CTNNA3: variants seen among roughly 807,000 people sequenced by gnomAD.
The protein encoded by CTNNA3 is catenin alpha 3, also known as catenin alpha-3.
CTNNA3 carries 76 observed loss-of-function variants against 95.7 expected under a neutral mutation model. The observed-to-expected ratio is 0.79, with a 90% CI of 0.66 to 0.96. The LOEUF (loss-of-function observed/expected upper bound fraction) is 0.96, where lower values mean the gene tolerates loss of function less well. Ranked by LOEUF, CTNNA3 falls within the 40% of genes least tolerant of loss-of-function variation. CTNNA3 has a pLI of 0.00. For missense variants in CTNNA3, 1,191 were observed against 1,089.8 expected, an observed-to-expected ratio of 1.09 and a Z score of -1.31; for synonymous variants, 431 against 374.4, an observed-to-expected ratio of 1.15 and a Z score of -1.74.
At chr10:67,480,820 G>A (rs919990467) in intron 5 of CTNNA3, among the ~76,000 whole-genome samples, 5 of 152,010 alleles carry the variant, frequency 3.3e-5, no homozygotes, top group South Asian at 2.1e-4. Context: ...TTCCTCTAAC[G>A]CCGCTGGGTT....
intron 11 of CTNNA3, among the ~76,000 whole-genome samples, chr10:66,447,440 G>A (rs1457835750): frequency 7.7e-6 from 1 of 129,582 alleles, no homozygotes; most frequent in Non-Finnish European, 1.6e-5. Context: ...CAAGGCTACA[G>A]TAACCAAAAC....
intron 7 of CTNNA3, among the ~76,000 whole-genome samples, chr10:66,952,461 C>G (rs1287941398): frequency 1.3e-5 from 2 of 152,124 alleles, no homozygotes; most frequent in African/African-American, 4.8e-5. Context: ...GGAGACGATT[C>G]AGGGTATGCC....
intron 2 of CTNNA3, among the ~76,000 whole-genome samples, chr10:67,638,710 C>T (rs1355492332): frequency 1.3e-5 from 2 of 152,142 alleles, no homozygotes; most frequent in Non-Finnish European, 2.9e-5. Context: ...GAAACTCACT[C>T]AAAACCACTC....
At chr10:66,067,689 G>T in intron 15 of CTNNA3, among the ~76,000 whole-genome samples, 1 of 151,994 alleles carries the variant, frequency 6.6e-6, no homozygotes, top group East Asian at 1.9e-4. Context: ...AGGCTGAGGC[G>T]GGCGGATCAC....
chr10:67,714,234 C>T (rs1006588543), intron 1 of CTNNA3, among the ~76,000 whole-genome samples: 1 of 152,174 alleles, frequency 6.6e-6, no homozygotes, highest in Admixed American at 6.5e-5. Context: ...CCTGGAAAAG[C>T]CACAGACACT....
intron 9 of CTNNA3, among the ~76,000 whole-genome samples, chr10:66,681,857 C>T (rs1296182062): frequency 1.3e-5 from 2 of 152,080 alleles, no homozygotes; most frequent in African/African-American, 2.4e-5. Context: ...TTTATTTCCC[C>T]TGAAGAAGGC....
chr10:66,636,284 C>A (rs559480409), intron 9 of CTNNA3, among the ~76,000 whole-genome samples: 1 of 152,054 alleles, frequency 6.6e-6, no homozygotes, highest in East Asian at 1.9e-4. Flanking sequence ...TTAGCAGGGG[C>A]ATAAGCTATT....
intron 15 of CTNNA3, among the ~76,000 whole-genome samples, chr10:66,045,589 C>T (rs1471937468): frequency 2.6e-5 from 4 of 152,124 alleles, no homozygotes; most frequent in Non-Finnish European, 5.9e-5. Flanking sequence ...CTAACTCCTG[C>T]TTAAAAGTGG....
At chr10:66,386,730 T>C (rs1023031603) in intron 11 of CTNNA3, among the ~76,000 whole-genome samples, 1 of 152,188 alleles carries the variant, frequency 6.6e-6, no homozygotes, top group Non-Finnish European at 1.5e-5. Context: ...AACAGCATGA[T>C]ACTGGTACCA....
At chr10:67,145,562 C>T (rs572956200) in intron 7 of CTNNA3, among the ~76,000 whole-genome samples, 2 of 151,788 alleles carry the variant, frequency 1.3e-5, no homozygotes, top group African/African-American at 4.8e-5. Context: ...TCCTGAGTAA[C>T]TGGGACTACA....
At chr10:66,542,096 C>G (rs1226308555) in intron 10 of CTNNA3, among the ~76,000 whole-genome samples, 2 of 152,074 alleles carry the variant, frequency 1.3e-5, no homozygotes, top group Non-Finnish European at 2.9e-5. Flanking sequence ...ACAGACACTT[C>G]TCAAAAGAAG....
intron 5 of CTNNA3, among the ~76,000 whole-genome samples, chr10:67,520,403 A>G (rs1482598956): frequency 6.6e-6 from 1 of 152,192 alleles, no homozygotes; most frequent in African/African-American, 2.4e-5. Flanking sequence ...AAACGATAAC[A>G]GAAGAGTACA....
At chr10:66,863,211 GCACA>G (rs1009541762) in intron 7 of CTNNA3, among the ~76,000 whole-genome samples, 1 of 113,652 alleles carries the variant, frequency 8.8e-6, no homozygotes, top group African/African-American at 3.4e-5. Context: ...ACACACACAC[GCACA>G]CACATATATA....
At chr10:67,105,235 T>TAGATAGATA (rs1858564335) in intron 7 of CTNNA3, among the ~76,000 whole-genome samples, 1 of 150,518 alleles carries the variant, frequency 6.6e-6, no homozygotes. Flanking sequence ...ACATATTAAA[T>TAGATAGATA]GATAGATAGA....
intron 7 of CTNNA3, among the ~76,000 whole-genome samples, chr10:66,842,808 C>A (rs1440408783): frequency 6.6e-6 from 1 of 152,072 alleles, no homozygotes; most frequent in Non-Finnish European, 1.5e-5. Flanking sequence ...GAGAAGATGA[C>A]CCTTCCATGA....
rs538149393 is a variant in CTNNA3, at chr10:66,379,193, G to T, written c.1691C>A (p.Thr564Lys). Reference sequence around the variant, plus strand: ...GTTAACATTTCTCATTACACCTTCCGTGTAAGCCCCTGGCTCGTAACTGTC... The same window carrying T: ...GTTAACATTTCTCATTACACCTTCCTTGTAAGCCCCTGGCTCGTAACTGTC... ...EMDSYEPGAY[T>K]EGVMRNVNFL... is the part of the protein sequence containing the mutation. The change falls in exon 12 of 18, where the codon ACG (threonine) becomes AAG (lysine). Residue 564 changes from threonine (T) to lysine (K), a missense_variant. Coordinates refer to ENST00000433211, the MANE Select transcript of CTNNA3 (RefSeq NM_013266.4). 1 of 1,614,074 alleles carries T rather than the reference G, an allele frequency of 6.2e-7. No individual in the cohort carries two copies. Among genetic ancestry groups the T allele is most frequent in the East Asian group, 2.2e-5 (1 of 44,872 alleles).
intron 5 of CTNNA3, among the ~76,000 whole-genome samples, chr10:67,320,368 C>T (rs1412472061): frequency 6.6e-6 from 1 of 152,180 alleles, no homozygotes; most frequent in Non-Finnish European, 1.5e-5. Context: ...GTTGTTATTA[C>T]TGTTAACTGA....
chr10:67,010,158 C>A (rs145917625), intron 7 of CTNNA3, among the ~76,000 whole-genome samples: 20 of 152,176 alleles, frequency 1.3e-4, no homozygotes, highest in Non-Finnish European at 2.2e-4. Flanking sequence ...TAAACACACA[C>A]GCATATGCAC....
intron 5 of CTNNA3, among the ~76,000 whole-genome samples, chr10:67,459,711 G>C (rs1847306801): frequency 6.6e-6 from 1 of 152,134 alleles, no homozygotes; most frequent in Non-Finnish European, 1.5e-5. Context: ...AAATCACCAT[G>C]TAAGTAAATT....
Sources: allele counts gnomAD v4.1 joint callset (sites outside exome capture counted in the v4.1 genomes callset), GRCh38; gene constraint gnomAD v4.1.1; transcripts MANE v1.5; gene names NCBI Gene and HGNC (gene_info 2026-07-23, HGNC 2026-07-21).